The following MACROD2 variants were observed in gnomAD, a reference collection of about 807,000 sequenced individuals.
The protein encoded by MACROD2 is mono-ADP ribosylhydrolase 2.
MACROD2 carries 36 observed loss-of-function variants against 70.4 expected under a neutral mutation model. The observed-to-expected ratio is 0.51, with a 90% CI of 0.39 to 0.68. MACROD2 has a LOEUF of 0.68. MACROD2 is among the 30% of genes least tolerant of loss of function. MACROD2 has a pLI of 0.00. For missense variants in MACROD2, 496 were observed against 538.4 expected, an observed-to-expected ratio of 0.92 and a Z score of 0.78; for synonymous variants, 172 against 178.8, an observed-to-expected ratio of 0.96 and a Z score of 0.30.
intron 6 of MACROD2, among the ~76,000 whole-genome samples, chr20:15,358,074 C>T (rs925782775): frequency 6.6e-6 from 1 of 152,242 alleles, no homozygotes; most frequent in Non-Finnish European, 1.5e-5. Context: ...TCCCAAAGTG[C>T]TGGGATTACA....
chr20:15,250,326 C>T (rs748759016), intron 6 of MACROD2, among the ~76,000 whole-genome samples: 16 of 152,162 alleles, frequency 1.1e-4, no homozygotes, highest in Non-Finnish European at 2.2e-4. Context: ...TGGCAATATT[C>T]TTACTATACC....
chr20:14,434,924 T>C (rs1489926274), intron 3 of MACROD2, among the ~76,000 whole-genome samples: 1 of 152,184 alleles, frequency 6.6e-6, no homozygotes, highest in Non-Finnish European at 1.5e-5. Flanking sequence ...AGGTTCCTAA[T>C]ACTTTCTCAG....
At chr20:14,051,846 TGAG>T in intron 2 of MACROD2, 1 of 493,252 alleles carries the variant, frequency 2.0e-6, no homozygotes, top group Non-Finnish European at 4.1e-6. Context: ...ATCCTTTTTG[TGAG>T]GAGATGGATA....
chr20:15,543,223 G>A (rs932790722), intron 8 of MACROD2, among the ~76,000 whole-genome samples: 4 of 152,146 alleles, frequency 2.6e-5, no homozygotes, highest in African/African-American at 9.7e-5. Flanking sequence ...AGGTTCAAAT[G>A]TATCAGTTGT....
At chr20:15,254,929 CTTTTT>C (rs762538763) in intron 6 of MACROD2, among the ~76,000 whole-genome samples, 9,506 of 80,450 alleles carry the variant, frequency 0.12, 393 homozygotes, top group African/African-American at 0.2. Context: ...CAAAGCACAC[CTTTTT>C]TTTTTTTTTT....
chr20:14,610,336 A>G (rs533778021), intron 4 of MACROD2, among the ~76,000 whole-genome samples: 2 of 152,260 alleles, frequency 1.3e-5, no homozygotes, highest in Admixed American at 6.5e-5. Flanking sequence ...ATAAAGTAGC[A>G]TGGGGATTTT....
intron 8 of MACROD2, among the ~76,000 whole-genome samples, chr20:15,533,393 C>T (rs188803923): frequency 1.2e-4 from 19 of 152,158 alleles, no homozygotes; most frequent in African/African-American, 2.6e-4. Context: ...TGCTTTCTAC[C>T]GTAATTTATA....
intron 5 of MACROD2, among the ~76,000 whole-genome samples, chr20:14,997,679 C>T (rs2074961557): frequency 6.6e-6 from 1 of 152,174 alleles, no homozygotes; most frequent in African/African-American, 2.4e-5. Flanking sequence ...GGGAACCTGC[C>T]ACCCTGAAGG....
chr20:15,297,333 G>T (rs1404529176), intron 6 of MACROD2, among the ~76,000 whole-genome samples: 1 of 152,102 alleles, frequency 6.6e-6, no homozygotes, highest in Non-Finnish European at 1.5e-5. Context: ...GAATCCAATT[G>T]TTACAGCGGG....
chr20:15,997,422 T>C (rs1357779135), intron 15 of MACROD2, among the ~76,000 whole-genome samples: 9 of 152,178 alleles, frequency 5.9e-5, no homozygotes, highest in Admixed American at 5.9e-4. Context: ...TTCACTGCCT[T>C]GGTTATATAT....
At chr20:14,276,806 G>A (rs1320428989) in intron 3 of MACROD2, among the ~76,000 whole-genome samples, 2 of 152,098 alleles carry the variant, frequency 1.3e-5, no homozygotes, top group African/African-American at 2.4e-5. Flanking sequence ...ATGTTGTGCT[G>A]TTGGTTTTTC....
At chr20:14,114,747 C>T (rs927320261) in intron 3 of MACROD2, among the ~76,000 whole-genome samples, 1 of 152,062 alleles carries the variant, frequency 6.6e-6, no homozygotes, top group African/African-American at 2.4e-5. Flanking sequence ...GAAGCATCTT[C>T]AAAAAGAATT....
chr20:15,907,001 A>G (rs997544507), intron 10 of MACROD2, among the ~76,000 whole-genome samples: 7 of 152,244 alleles, frequency 4.6e-5, no homozygotes, highest in Non-Finnish European at 7.3e-5. Context: ...GGGAAGGCAC[A>G]ATGAAACTAG....
At chr20:15,625,930 A>G (rs1254393865) in intron 8 of MACROD2, among the ~76,000 whole-genome samples, 1 of 136,494 alleles carries the variant, frequency 7.3e-6, no homozygotes, top group Non-Finnish European at 1.6e-5. Context: ...AAAAAAAAAG[A>G]CATATCTCAA....
chr20:14,774,694 C>G (rs2072211854), intron 5 of MACROD2, among the ~76,000 whole-genome samples: 1 of 151,962 alleles, frequency 6.6e-6, no homozygotes, highest in Admixed American at 6.6e-5. Flanking sequence ...GTTTATTAAC[C>G]TCAAAGTGTC....
chr20:16,002,106 A>G (rs1336399955), intron 15 of MACROD2, among the ~76,000 whole-genome samples: 4 of 151,980 alleles, frequency 2.6e-5, no homozygotes, highest in Admixed American at 6.6e-5. Flanking sequence ...TCCAAAGTCT[A>G]CCTGTTTAAG....
intron 4 of MACROD2, among the ~76,000 whole-genome samples, chr20:14,506,556 G>T (rs2084971621): frequency 2.6e-5 from 4 of 152,140 alleles, no homozygotes; most frequent in Admixed American, 2.6e-4. Context: ...AGATGTCAGA[G>T]ACTGCTGATC....
chr20:14,668,332 CTGGGCCTGCA>C, intron 4 of MACROD2, among the ~76,000 whole-genome samples: 1 of 152,250 alleles, frequency 6.6e-6, no homozygotes, highest in African/African-American at 2.4e-5. Context: ...GACCCAATGA[CTGGGCCTGCA>C]TTTGGAATAA....
At position 15,655,335 on chromosome 20, in the gene MACROD2, A is replaced by C. The variant is rs1435546380; in HGVS notation, c.645+155488A>C. ...GTTCCACTTTTTTTTTTTTTTTTTTAACATTCTCTTCTCTTTCTCTGTTGA... is the reference window on the plus strand; with the variant it reads ...GTTCCACTTTTTTTTTTTTTTTTTTCACATTCTCTTCTCTTTCTCTGTTGA... On this transcript the variant is annotated intron_variant, in intron 8 of 17. Transcript: ENST00000684519. Among the ~76,000 whole-genome samples, 3 of 126,864 alleles carry C rather than the reference A, an allele frequency of 2.4e-5. No individual in the cohort carries two copies. In the Admixed American group the frequency reaches 2.4e-4, roughly 10 times the overall value. The allele number at this position is 126,864 out of a possible 152,430, so 83.2% of individuals were successfully genotyped here.
Sources: allele counts gnomAD v4.1 joint callset (sites outside exome capture counted in the v4.1 genomes callset), GRCh38; gene constraint gnomAD v4.1.1; transcripts MANE v1.5; gene names NCBI Gene and HGNC (gene_info 2026-07-23, HGNC 2026-07-21).